Variants in FGGY observed in about 807,000 individuals in gnomAD.
The protein encoded by FGGY is FGGY carbohydrate kinase domain containing.
FGGY carries 72 observed loss-of-function variants against 71.3 expected under a neutral mutation model. That is an observed-to-expected ratio of 1.01 (90% confidence interval 0.84 to 1.23). FGGY has a LOEUF of 1.23. Ranked by LOEUF, FGGY falls within the 50% of genes most tolerant of loss-of-function variation. The pLI is 0.00. For synonymous variants in FGGY, 251 were observed against 250.3 expected, an observed-to-expected ratio of 1.00 and a Z score of -0.02; for missense variants, 668 against 682.3, an observed-to-expected ratio of 0.98 and a Z score of 0.23.
At chr1:59,478,459 C>T (rs2093350531) in intron 6 of FGGY, among the ~76,000 whole-genome samples, 1 of 152,150 alleles carries the variant, frequency 6.6e-6, no homozygotes, top group Admixed American at 6.5e-5. Context: ...TATTTGCCTA[C>T]TAGTTATAAG....
chr1:59,641,651 T>C (rs72666265), intron 11 of FGGY, among the ~76,000 whole-genome samples: 5 of 152,356 alleles, frequency 3.3e-5, no homozygotes, highest in Non-Finnish European at 7.3e-5. Flanking sequence ...ATGCAGCCTT[T>C]TTCTGCTTCT....
chr1:59,406,807 A>G (rs2062829477), intron 5 of FGGY, among the ~76,000 whole-genome samples: 1 of 152,082 alleles, frequency 6.6e-6, no homozygotes, highest in South Asian at 2.1e-4. Flanking sequence ...TGTTACCTCA[A>G]TCTGTGTGTA....
In FGGY at chr1:59,547,554, T is replaced by G. The variant is rs145259284; in HGVS notation, c.800-6570T>G. On this transcript the variant is annotated intron_variant, in intron 7 of 15. Coordinates refer to ENST00000303721, the MANE Select transcript of FGGY (RefSeq NM_018291.5). ...CTTGTAGAAGTTGCTTGGAAAACTTTACTCTCCTTTTCTCTATTTGTAAAT... is the reference window on the plus strand; with the variant it reads ...CTTGTAGAAGTTGCTTGGAAAACTTGACTCTCCTTTTCTCTATTTGTAAAT... Among the ~76,000 whole-genome samples, 126 of 152,342 alleles carry G rather than the reference T, an allele frequency of 8.3e-4. 2 individuals are homozygous for G. In the East Asian group the frequency reaches 0.018, roughly 22 times the overall value.
chr1:59,322,757 T>C (rs2046634993), intron 2 of FGGY, among the ~76,000 whole-genome samples: 1 of 152,222 alleles, frequency 6.6e-6, no homozygotes, highest in Admixed American at 6.5e-5. Flanking sequence ...CAATTCTTGT[T>C]TGTTTTTAAA....
chr1:59,476,737 C>A (rs1202342360), intron 6 of FGGY, among the ~76,000 whole-genome samples: 1 of 152,214 alleles, frequency 6.6e-6, no homozygotes. Flanking sequence ...AATTATAGAT[C>A]TAGATTTTAA....
chr1:59,741,931 T>C (rs1573927039), intron 14 of FGGY, among the ~76,000 whole-genome samples: 6 of 96,118 alleles, frequency 6.2e-5, no homozygotes, highest in African/African-American at 8.4e-5. Flanking sequence ...AGAGTGAGAC[T>C]CCATCTCAAA....
At chr1:59,436,680 A>G (rs915546790) in intron 5 of FGGY, among the ~76,000 whole-genome samples, 5 of 152,222 alleles carry the variant, frequency 3.3e-5, no homozygotes, top group Non-Finnish European at 5.9e-5. Context: ...AATTTCACAC[A>G]GGATAGGATT....
intron 1 of FGGY, among the ~76,000 whole-genome samples, chr1:59,318,073 T>A (rs1261984869): frequency 1.3e-5 from 2 of 152,010 alleles, no homozygotes; most frequent in African/African-American, 4.8e-5. Context: ...CTGAGAAAGG[T>A]TAGGGCTGAT....
At chr1:59,584,104 A>C (rs926911061) in intron 8 of FGGY, among the ~76,000 whole-genome samples, 2 of 149,814 alleles carry the variant, frequency 1.3e-5, no homozygotes, top group Non-Finnish European at 2.9e-5. Context: ...AATTGGTACC[A>C]TTCCTTCTGA....
intron 6 of FGGY, among the ~76,000 whole-genome samples, chr1:59,473,257 A>G (rs1298493852): frequency 1.3e-5 from 2 of 151,954 alleles, no homozygotes; most frequent in Non-Finnish European, 2.9e-5. Flanking sequence ...GGAGGAACGA[A>G]CAACTCCAGA....
At chr1:59,345,608 A>G (rs973920145) in intron 3 of FGGY, among the ~76,000 whole-genome samples, 2 of 152,054 alleles carry the variant, frequency 1.3e-5, no homozygotes, top group African/African-American at 4.8e-5. Context: ...TGAATTATAC[A>G]TCTTCATCTG....
chr1:59,363,292 C>T (rs76223770), intron 4 of FGGY, among the ~76,000 whole-genome samples: 24 of 152,252 alleles, frequency 1.6e-4, no homozygotes, highest in Middle Eastern at 3.4e-3. Context: ...AAGGTTTGTC[C>T]GACTCTAAAG....
chr1:59,505,049 C>T (rs1056235504), intron 6 of FGGY, among the ~76,000 whole-genome samples: 12 of 152,048 alleles, frequency 7.9e-5, no homozygotes, highest in African/African-American at 1.9e-4. Flanking sequence ...TAAAACACAA[C>T]GTAAGGGTCA....
chr1:59,320,765 T>C (rs1005465266), intron 1 of FGGY, among the ~76,000 whole-genome samples: 2 of 152,208 alleles, frequency 1.3e-5, no homozygotes, highest in Non-Finnish European at 2.9e-5. Flanking sequence ...CAGAAAGCTT[T>C]TAAGAAACAA....
At chr1:59,722,958 G>C (rs898631535) in intron 14 of FGGY, among the ~76,000 whole-genome samples, 10 of 152,026 alleles carry the variant, frequency 6.6e-5, no homozygotes, top group Non-Finnish European at 1.5e-4. Context: ...CACCATGCCC[G>C]GCTAATTTTT....
At chr1:59,460,654 G>A (rs1214184843) in intron 6 of FGGY, among the ~76,000 whole-genome samples, 1 of 152,160 alleles carries the variant, frequency 6.6e-6, no homozygotes, top group Non-Finnish European at 1.5e-5. Flanking sequence ...TCCCAGTAGG[G>A]GCCGACTGAC....
intron 6 of FGGY, among the ~76,000 whole-genome samples, chr1:59,472,137 C>T (rs921858269): frequency 5.9e-5 from 9 of 152,322 alleles, no homozygotes; most frequent in East Asian, 3.9e-4. Flanking sequence ...AGGAGAGGCG[C>T]GGGCGGGAAC....
rs2095965240 is a variant in FGGY, at chr1:59,570,439, AG to A, written c.903+16214del. ...TTCCTGCCAGATTTGGAGCACACTGAGGAATCCCTTTATCTCCATCCTTTCA... is the reference window on the plus strand; with the variant it reads ...TTCCTGCCAGATTTGGAGCACACTGAGAATCCCTTTATCTCCATCCTTTCA... On this transcript the variant is annotated intron_variant, in intron 8 of 15. Coordinates refer to ENST00000303721, the MANE Select transcript of FGGY (RefSeq NM_018291.5). Among the ~76,000 whole-genome samples, 8 of 152,348 alleles carry A rather than the reference AG, an allele frequency of 5.3e-5. No individual in the cohort carries two copies. The South Asian group carries it at 1.7e-3, about 32-fold the overall frequency.
intron 10 of FGGY, 162 bp downstream of exon 10, chr1:59,626,211 T>C: frequency 1.8e-6 from 1 of 554,536 alleles, no homozygotes; most frequent in Non-Finnish European, 3.2e-6. Flanking sequence ...GATGTATTAA[T>C]TCTTTAAATG....
Sources: allele counts gnomAD v4.1 joint callset (sites outside exome capture counted in the v4.1 genomes callset), GRCh38; gene constraint gnomAD v4.1.1; transcripts MANE v1.5; gene names NCBI Gene and HGNC (gene_info 2026-07-23, HGNC 2026-07-21).